The following FBXL17 variants were observed in gnomAD, a reference collection of about 807,000 sequenced individuals.
The protein encoded by FBXL17 is F-box and leucine rich repeat protein 17, also known as F-box/LRR-repeat protein 17.
FBXL17 carries 22 observed loss-of-function variants against 66.2 expected under a neutral mutation model. The ratio of observed to expected loss-of-function variants is 0.33; its 90% CI spans 0.24 to 0.47. The LOEUF is 0.47. Among genes scored for constraint, FBXL17 ranks in the 20% least tolerant of loss-of-function variants. FBXL17 has a pLI of 1.00. For missense variants in FBXL17, 878 were observed against 948.2 expected, an observed-to-expected ratio of 0.93 and a Z score of 0.97; for synonymous variants, 474 against 400.5, an observed-to-expected ratio of 1.18 and a Z score of -2.19.
At chr5:108,064,503 C>T (rs928033135) in intron 6 of FBXL17, among the ~76,000 whole-genome samples, 1 of 152,108 alleles carries the variant, frequency 6.6e-6, no homozygotes, top group African/African-American at 2.4e-5. Flanking sequence ...TTTGCAGAGC[C>T]TCTCAATGGC....
chr5:108,006,501 G>A (rs1753926549), intron 7 of FBXL17, among the ~76,000 whole-genome samples: 1 of 152,190 alleles, frequency 6.6e-6, no homozygotes, highest in South Asian at 2.1e-4. Context: ...AAGAACAGTA[G>A]TGGTTATGAC....
intron 4 of FBXL17, among the ~76,000 whole-genome samples, chr5:108,343,767 G>GA (rs1283814792): frequency 6.6e-6 from 1 of 150,652 alleles, no homozygotes; most frequent in Non-Finnish European, 1.5e-5. Context: ...ACAGCAAAGA[G>GA]AAAAAAAAAT....
chr5:108,337,774 A>G (rs946300333), intron 4 of FBXL17, among the ~76,000 whole-genome samples: 5 of 152,050 alleles, frequency 3.3e-5, no homozygotes, highest in African/African-American at 1.2e-4. Context: ...GAGCCACTAC[A>G]TATTTCTTAA....
chr5:107,962,522 A>G (rs1751955451), intron 7 of FBXL17, among the ~76,000 whole-genome samples: 1 of 152,172 alleles, frequency 6.6e-6, no homozygotes, highest in Admixed American at 6.6e-5. Context: ...CCATTTACAT[A>G]CAAAACTCAA....
chr5:108,250,091 A>G (rs572184653), intron 4 of FBXL17, among the ~76,000 whole-genome samples: 1 of 152,300 alleles, frequency 6.6e-6, no homozygotes, highest in African/African-American at 2.4e-5. Context: ...GGAAATTTAG[A>G]TGTTTCAGTA....
At chr5:108,283,770 G>A (rs1299339453) in intron 4 of FBXL17, among the ~76,000 whole-genome samples, 1 of 151,800 alleles carries the variant, frequency 6.6e-6, no homozygotes, top group African/African-American at 2.4e-5. Flanking sequence ...GAAAATATTT[G>A]CAAACTATTC....
intron 4 of FBXL17, among the ~76,000 whole-genome samples, chr5:108,294,414 G>A (rs1758261305): frequency 6.6e-6 from 1 of 151,428 alleles, no homozygotes; most frequent in African/African-American, 2.4e-5. Context: ...AATAGCTGTA[G>A]GCTCCCAAAA....
chr5:108,289,762 C>G (rs1323810155), intron 4 of FBXL17, among the ~76,000 whole-genome samples: 5 of 152,066 alleles, frequency 3.3e-5, no homozygotes, highest in Non-Finnish European at 5.9e-5. Flanking sequence ...ATGTAAAAAT[C>G]TGAAGAACAG....
At chr5:108,013,080 A>C (rs187358830) in intron 7 of FBXL17, among the ~76,000 whole-genome samples, 10 of 151,628 alleles carry the variant, frequency 6.6e-5, no homozygotes, top group African/African-American at 2.4e-4. Context: ...TAAATGAATA[A>C]TGCCCACAGA....
In FBXL17 at chr5:108,328,964, A is replaced by T. The variant is rs2941696; in HGVS notation, c.1506+19435T>A. The stretch of plus-strand genomic sequence containing the variant: ...GAAAACCACCTCAGAGTCACTTGCT[A>T]AGGGTCACTCAACTAAGAGACAGAG... On this transcript the variant is annotated intron_variant, in intron 4 of 8. Coordinates refer to ENST00000542267, the MANE Select transcript of FBXL17 (RefSeq NM_001163315.3). Among the ~76,000 whole-genome samples the T allele has an allele frequency of 8.1e-4, 123 of 152,214 alleles. 1 individual carries two copies. The East Asian group carries it at 0.023, about 28-fold the overall frequency.
At chr5:108,299,002 C>T (rs1758464980) in intron 4 of FBXL17, 3 of 977,120 alleles carry the variant, frequency 3.1e-6, no homozygotes, top group Non-Finnish European at 2.4e-6. Flanking sequence ...ACACTTTTTC[C>T]TCTATTACCT....
intron 7 of FBXL17, among the ~76,000 whole-genome samples, chr5:107,974,484 A>G (rs1752506511): frequency 6.6e-6 from 1 of 152,138 alleles, no homozygotes; most frequent in South Asian, 2.1e-4. Flanking sequence ...ATTTCCACTC[A>G]AAAATGTGAT....
At chr5:108,215,221 A>C (rs1167690576) in intron 5 of FBXL17, among the ~76,000 whole-genome samples, 1 of 152,204 alleles carries the variant, frequency 6.6e-6, no homozygotes, top group African/African-American at 2.4e-5. Context: ...TTTTGATTCT[A>C]TACTTAGGAT....
At chr5:108,042,080 A>G (rs1035711304) in intron 6 of FBXL17, among the ~76,000 whole-genome samples, 1 of 151,988 alleles carries the variant, frequency 6.6e-6, no homozygotes, top group African/African-American at 2.4e-5. Flanking sequence ...TTTTTAGTAG[A>G]GAGGGGGTTT....
At chr5:108,249,032 A>G (rs1756233181) in intron 4 of FBXL17, among the ~76,000 whole-genome samples, 1 of 152,172 alleles carries the variant, frequency 6.6e-6, no homozygotes. Context: ...TTAATACAAT[A>G]GACTTTCCCT....
At chr5:108,279,612 A>T (rs917130492) in intron 4 of FBXL17, among the ~76,000 whole-genome samples, 1 of 152,076 alleles carries the variant, frequency 6.6e-6, no homozygotes, top group Non-Finnish European at 1.5e-5. Context: ...CTACCAATAG[A>T]TCTTAACCAA....
intron 6 of FBXL17, among the ~76,000 whole-genome samples, chr5:108,091,366 A>G (rs34416): frequency 6.6e-6 from 1 of 152,088 alleles, no homozygotes; most frequent in Non-Finnish European, 1.5e-5. Context: ...AAATGTTATA[A>G]ACATTTGAAC....
chr5:108,359,124 C>A (rs988665148), intron 3 of FBXL17, among the ~76,000 whole-genome samples: 5 of 152,104 alleles, frequency 3.3e-5, no homozygotes, highest in African/African-American at 9.7e-5. Flanking sequence ...TTTTCTCATA[C>A]AATCCTTTTT....
Position 108,228,254 on chromosome 5 carries a change from A to G in FBXL17, c.1507-4026T>C, listed in dbSNP as rs116614678. Among the ~76,000 whole-genome samples, 1,380 of 152,268 alleles carry G rather than the reference A, an allele frequency of 9.1e-3. 23 individuals are homozygous for G. The highest frequency in any genetic ancestry group is 0.03 in the African/African-American group (1,253 of 41,566). On this transcript the variant is annotated intron_variant, in intron 4 of 8. Transcript: ENST00000542267. ...TAGGAGACTAATAAAAGGGCCTTGA[A>G]GATTTGGGTGGCATCCAGCTCCACT...
Sources: gnomAD v4.1 joint callset for allele counts (sites outside exome capture counted in the v4.1 genomes callset) on GRCh38, gnomAD v4.1.1 for gene constraint, MANE v1.5 for transcripts, NCBI Gene and HGNC (gene_info 2026-07-23, HGNC 2026-07-21) for gene names.